TEK: variants seen among roughly 807,000 people sequenced by gnomAD.
TEK encodes the protein TEK receptor tyrosine kinase.
In TEK, 43 loss-of-function variants were observed where a neutral mutation model predicts 131.8. The observed-to-expected ratio is 0.33, with a 90% CI of 0.26 to 0.42. The LOEUF is 0.42. Ranked by LOEUF, TEK falls within the 10% of genes least tolerant of loss-of-function variation. The pLI is 1.00. For synonymous variants in TEK, 580 were observed against 491.6 expected (o/e 1.18, Z -2.38); for missense variants, 1,162 against 1,384.4 (o/e 0.84, Z 2.55).
chr9:27,201,275 G>A (rs763483501), intron 12 of TEK, among the ~76,000 whole-genome samples: 31 of 152,224 alleles, frequency 2.0e-4, no homozygotes, highest in Admixed American at 3.9e-4. Flanking sequence ...ATGATTTTTA[G>A]TTGGCACAAA....
intron 2 of TEK, among the ~76,000 whole-genome samples, chr9:27,165,420 G>A (rs1823693563): frequency 6.6e-6 from 1 of 152,122 alleles, no homozygotes; most frequent in African/African-American, 2.4e-5. Flanking sequence ...GGCAACGTGA[G>A]CAGAAGCCCC....
At chr9:27,116,832 T>C (rs1305061627) in intron 1 of TEK, among the ~76,000 whole-genome samples, 1 of 151,760 alleles carries the variant, frequency 6.6e-6, no homozygotes, top group African/African-American at 2.4e-5. Context: ...CTTTAGAGAA[T>C]TGCTGCTGTA....
chr9:27,222,741 C>T (rs1298104955), intron 21 of TEK, among the ~76,000 whole-genome samples: 2 of 152,122 alleles, frequency 1.3e-5, no homozygotes, highest in African/African-American at 4.8e-5. Context: ...AAACCCGGTA[C>T]CAGCCACTGC....
chr9:27,184,220 G>T (rs1824508228), intron 8 of TEK, among the ~76,000 whole-genome samples: 1 of 152,114 alleles, frequency 6.6e-6, no homozygotes, highest in Non-Finnish European at 1.5e-5. Context: ...GCTCACCCAT[G>T]GTCAGGTAAT....
chr9:27,202,972 A>G lies in TEK; in HGVS notation c.2062A>G (p.Lys688Glu). ...GAATGAAGACCAGCACGTTGATGTG[A>G]AGATAAAGAATGCCACCATCACTCA... ...GKNEDQHVDV[K>E]IKNATITQYQ... Residue 688 changes from lysine to glutamate, a missense_variant, in exon 13 of 23, where the codon AAG (lysine) becomes GAG (glutamate). Lys to Glu is a moderately conservative substitution (Grantham distance 56). This residue lies in a region of TEK where 477 missense variants were observed against 471.0 expected (regional missense o/e 1.01). Coordinates refer to ENST00000380036, the MANE Select transcript of TEK (RefSeq NM_000459.5). 2 of 1,614,110 alleles carry G rather than the reference A, an allele frequency of 1.2e-6. No homozygotes were observed. Among genetic ancestry groups the G allele is most frequent in the Non-Finnish European group, 1.7e-6 (2 of 1,179,998 alleles).
intron 6 of TEK, among the ~76,000 whole-genome samples, chr9:27,176,801 C>A (rs1325480050): frequency 6.6e-6 from 1 of 152,194 alleles, no homozygotes; most frequent in Non-Finnish European, 1.5e-5. Context: ...ACTTATCCTA[C>A]TGTGTAATTA....
intron 21 of TEK, among the ~76,000 whole-genome samples, chr9:27,222,481 A>G (rs1473510783): frequency 6.6e-6 from 1 of 152,226 alleles, no homozygotes; most frequent in Non-Finnish European, 1.5e-5. Flanking sequence ...CAGGTTACCC[A>G]CAAAGGGAAG....
intron 1 of TEK, among the ~76,000 whole-genome samples, chr9:27,111,151 G>A (rs1489509313): frequency 6.6e-6 from 1 of 152,074 alleles, no homozygotes. Flanking sequence ...AAAAAGGTAT[G>A]TAGCCAAAAT....
chr9:27,143,290 G>A (rs1379509225), intron 1 of TEK, among the ~76,000 whole-genome samples: 1 of 152,168 alleles, frequency 6.6e-6, no homozygotes, highest in Non-Finnish European at 1.5e-5. Flanking sequence ...GACGGAGCTG[G>A]GAAAATAAAT....
chr9:27,183,663 G>C (rs1465204446), intron 8 of TEK, 53 bp downstream of exon 8: 3 of 1,600,626 alleles, frequency 1.9e-6, no homozygotes, highest in Non-Finnish European at 2.6e-6. Flanking sequence ...CTTCAGTGTA[G>C]TAATCACCCC....
intron 6 of TEK, among the ~76,000 whole-genome samples, chr9:27,175,311 A>G (rs1824123050): frequency 1.3e-5 from 2 of 151,168 alleles, no homozygotes; most frequent in Admixed American, 1.3e-4. Flanking sequence ...TACAAAGGAC[A>G]TGAACTCATC....
chr9:27,124,988 G>A lies in TEK; in HGVS notation c.52+15346G>A, dbSNP rs916437770. Among the ~76,000 whole-genome samples, 10 of 152,096 alleles carry A rather than the reference G, an allele frequency of 6.6e-5. No individual in the cohort carries two copies. The South Asian group carries it at 1.0e-3, about 16-fold the overall frequency. On this transcript the variant is annotated intron_variant, in intron 1 of 22. Coordinates refer to ENST00000380036, the MANE Select transcript of TEK (RefSeq NM_000459.5). The stretch of plus-strand genomic sequence containing the variant: ...GTGACCTTCGGAACAGTCCCCAGTC[G>A]CTCATTTATAAGTCCCCTTTTTCCT...
At chr9:27,160,682 T>C (rs2131126004) in intron 2 of TEK, among the ~76,000 whole-genome samples, 1 of 152,332 alleles carries the variant, frequency 6.6e-6, no homozygotes, top group East Asian at 1.9e-4. Flanking sequence ...AGCAAACTCA[T>C]TTTAAGGTCA....
chr9:27,168,502 C>T lies in TEK; in HGVS notation c.372C>T (p.Phe124=). The T allele has an allele frequency of 2.5e-6, 4 of 1,613,102 alleles. No homozygotes were observed. Among genetic ancestry groups the T allele is most frequent in the Non-Finnish European group, 3.4e-6 (4 of 1,179,174 alleles). The change falls in exon 3 of 23, where the codon TTC becomes TTT. Residue 124 remains phenylalanine, a synonymous_variant. Transcript: ENST00000380036. The stretch of plus-strand genomic sequence containing the variant: ...TTTTCTCTCTTTTAAAAGCTTCCTT[C>T]CTACCAGCTACTTTAACTATGACTG... ...RTMKMRQQAS[F]LPATLTMTVD...
intron 1 of TEK, among the ~76,000 whole-genome samples, chr9:27,112,438 C>T (rs1178049055): frequency 6.6e-6 from 1 of 152,282 alleles, no homozygotes; most frequent in East Asian, 1.9e-4. Flanking sequence ...TTCACAGATG[C>T]TCCCTTCCAA....
At chr9:27,223,832 C>G (rs567330568) in intron 21 of TEK, among the ~76,000 whole-genome samples, 2 of 152,210 alleles carry the variant, frequency 1.3e-5, no homozygotes, top group Non-Finnish European at 2.9e-5. Context: ...AATCCAGGAG[C>G]TAGTTTTTTG....
At chr9:27,211,208 T>C (rs190900327) in intron 16 of TEK, among the ~76,000 whole-genome samples, 1 of 148,472 alleles carries the variant, frequency 6.7e-6, no homozygotes, top group East Asian at 1.9e-4. Context: ...TATATGAATA[T>C]ATGTGTATAT....
rs539573159 is a variant in TEK at position 27,184,015 on chromosome 9, C to T, written c.1182+405C>T. Among the ~76,000 whole-genome samples, 33 of 152,284 alleles carry T rather than the reference C, an allele frequency of 2.2e-4. No homozygotes were observed. In the East Asian group the frequency reaches 2.5e-3, roughly 12 times the overall value. ...TGCAACCCATGAATCAGCAGATTTA[C>T]GTGCTACCAAGTGCAACCAGGACAT... On this transcript the variant is annotated intron_variant, in intron 8 of 22. Transcript: ENST00000380036.
intron 13 of TEK, among the ~76,000 whole-genome samples, chr9:27,203,571 T>G (rs753971143): frequency 6.6e-6 from 1 of 152,096 alleles, no homozygotes; most frequent in South Asian, 2.1e-4. Context: ...TGTCCACCAC[T>G]AACCCCAACC....
Sources: allele counts gnomAD v4.1 joint callset (sites outside exome capture counted in the v4.1 genomes callset), GRCh38; gene constraint gnomAD v4.1.1; regional missense constraint gnomAD v4.1.1; transcripts MANE v1.5; gene names NCBI Gene and HGNC (gene_info 2026-07-23, HGNC 2026-07-21).